Variants in KIAA1217 observed in about 807,000 individuals in gnomAD.
The protein encoded by KIAA1217 is KIAA1217, also known as sickle tail protein homolog.
Under a neutral mutation model 163.9 loss-of-function variants are expected in KIAA1217, and 88 were observed. That is an observed-to-expected ratio of 0.54 (90% CI 0.45 to 0.64). The LOEUF (loss-of-function observed/expected upper bound fraction) is 0.64, where lower values mean the gene tolerates loss of function less well. Ranked by LOEUF, KIAA1217 falls within the 30% of genes least tolerant of loss-of-function variation. KIAA1217 has a pLI of 0.00. For synonymous variants in KIAA1217, 903 were observed against 923.1 expected (o/e 0.98, Z 0.39); for missense variants, 2,372 against 2,475.0 (o/e 0.96, Z 0.88).
At chr10:23,858,056 T>C (rs1259410301) in intron 1 of KIAA1217, among the ~76,000 whole-genome samples, 1 of 151,426 alleles carries the variant, frequency 6.6e-6, no homozygotes, top group African/African-American at 2.4e-5. Flanking sequence ...AAGAACAAAG[T>C]TGTGCTACTT....
At chr10:24,151,642 C>G (rs114893143) in intron 2 of KIAA1217, among the ~76,000 whole-genome samples, 3 of 151,490 alleles carry the variant, frequency 2.0e-5, no homozygotes, top group Non-Finnish European at 4.4e-5. Context: ...GCTCAAGAAA[C>G]AGTATGGCCG....
At chr10:24,352,343 A>G (rs2048552092) in intron 2 of KIAA1217, among the ~76,000 whole-genome samples, 2 of 152,176 alleles carry the variant, frequency 1.3e-5, no homozygotes, top group African/African-American at 4.8e-5. Context: ...AATAATCGTG[A>G]ATATTTTTGC....
At chr10:24,391,573 G>A (rs2054992491) in intron 3 of KIAA1217, among the ~76,000 whole-genome samples, 1 of 152,010 alleles carries the variant, frequency 6.6e-6, no homozygotes, top group Admixed American at 6.6e-5. Context: ...TCGAACTCCT[G>A]ACCTCAGGTG....
chr10:23,887,131 T>A (rs1464113414), intron 1 of KIAA1217, among the ~76,000 whole-genome samples: 1 of 151,930 alleles, frequency 6.6e-6, no homozygotes, highest in Non-Finnish European at 1.5e-5. Flanking sequence ...GGAACATCAT[T>A]TAGTTCCTCT....
Position 24,546,117 on chromosome 10 carries a change from T to A in KIAA1217, c.5625T>A (p.His1875Gln), listed in dbSNP as rs776503531. 6.4e-5 allele frequency: 104 copies of A among 1,614,176 alleles called. 3 individuals are homozygous for A. In the South Asian group the frequency reaches 1.1e-3, roughly 17 times the overall value. Reference sequence around the variant, plus strand: ...TCACTCATACAGGTAAAGGTCACCATCTTTCATTCTCACCGCAGAGTCAAA... The same window carrying A: ...TCACTCATACAGGTAAAGGTCACCAACTTTCATTCTCACCGCAGAGTCAAA... ...QSLTHTGKGH[H>Q]LSFSPQSQNG... The change falls in exon 21 of 21, where the codon CAT (histidine) becomes CAA (glutamine). Residue 1875 changes from histidine to glutamine, a missense_variant. Coordinates refer to ENST00000376454, the MANE Select transcript of KIAA1217 (RefSeq NM_019590.5).
In KIAA1217 at chr10:23,953,284, G is replaced by A. The variant is rs148325781; in HGVS notation, c.-320-53941G>A. ...ATCAGTGGTTTAACATATTATGCTT[G>A]TTCTTTTGTAAAAACTGATGCAAGT... On this transcript the variant is annotated intron_variant, in intron 1 of 18. Transcript: ENST00000376462. 7.9e-5 allele frequency among the ~76,000 whole-genome samples: 12 copies of A among 152,288 alleles called. No homozygotes were observed. The East Asian group carries it at 1.9e-3, about 24-fold the overall frequency.
intron 2 of KIAA1217, among the ~76,000 whole-genome samples, chr10:24,065,341 T>C (rs1259558771): frequency 6.6e-6 from 1 of 152,236 alleles, no homozygotes; most frequent in Non-Finnish European, 1.5e-5. Context: ...TGGTATGTTG[T>C]GTCTTTGTTC....
At chr10:24,219,523 A>T in intron 1 of KIAA1217, 103 bp from the exon 2 acceptor site, 1 of 872,572 alleles carries the variant, frequency 1.1e-6, no homozygotes, top group Non-Finnish European at 1.6e-6. Flanking sequence ...TTGCGAAGTT[A>T]ACATTCATAC....
intron 1 of KIAA1217, among the ~76,000 whole-genome samples, chr10:23,784,612 TTG>T (rs1350025993): frequency 6.6e-6 from 1 of 152,210 alleles, no homozygotes; most frequent in Non-Finnish European, 1.5e-5. Flanking sequence ...TTTTTATCTT[TTG>T]TGCATTTAGT....
chr10:24,358,002 T>C (rs2049343795), intron 2 of KIAA1217, among the ~76,000 whole-genome samples: 1 of 152,158 alleles, frequency 6.6e-6, no homozygotes. Flanking sequence ...AAGAGTAGTT[T>C]ACTGTCAGGG....
At position 24,506,013 on chromosome 10, in the gene KIAA1217, A is replaced by G. The variant is rs1473598006; in HGVS notation, c.2001+4468A>G. On this transcript the variant is annotated intron_variant, in intron 9 of 20. Transcript: ENST00000376454. ...AACAGACCCGTGTCCCCTGCCAAGCAGAAATAATAAACGGAACTAGTACAG... is the reference window on the plus strand; with the variant it reads ...AACAGACCCGTGTCCCCTGCCAAGCGGAAATAATAAACGGAACTAGTACAG... Among the ~76,000 whole-genome samples, 25 of 152,236 alleles carry G rather than the reference A, an allele frequency of 1.6e-4. No individual in the cohort carries two copies. In the Middle Eastern group the frequency reaches 0.01, roughly 62 times the overall value.
At chr10:24,197,440 C>T (rs1057412344) in intron 2 of KIAA1217, among the ~76,000 whole-genome samples, 1 of 152,198 alleles carries the variant, frequency 6.6e-6, no homozygotes, top group Non-Finnish European at 1.5e-5. Context: ...CCAACAGAAA[C>T]CTATTAGAGC....
At chr10:24,256,805 T>A (rs776296079) in intron 2 of KIAA1217, among the ~76,000 whole-genome samples, 4 of 152,142 alleles carry the variant, frequency 2.6e-5, no homozygotes, top group Non-Finnish European at 2.9e-5. Context: ...ATCTTTGTGT[T>A]GAGGTGATAT....
intron 5 of KIAA1217, among the ~76,000 whole-genome samples, chr10:24,460,319 C>T (rs2062261527): frequency 1.3e-5 from 2 of 152,208 alleles, no homozygotes; most frequent in Admixed American, 1.3e-4. Flanking sequence ...CCCCAGCTCA[C>T]ACACTCCGTA....
intron 3 of KIAA1217, among the ~76,000 whole-genome samples, chr10:24,406,947 T>C (rs889257177): frequency 3.9e-5 from 6 of 152,174 alleles, no homozygotes; most frequent in African/African-American, 1.4e-4. Context: ...TTTCATCTGA[T>C]GAAACAACAA....
chr10:23,736,396 G>A (rs573963054), intron 1 of KIAA1217, among the ~76,000 whole-genome samples: 15 of 152,192 alleles, frequency 9.9e-5, no homozygotes, highest in African/African-American at 3.4e-4. Context: ...CTCCAGTGCC[G>A]CCTTTGCCAA....
intron 8 of KIAA1217, among the ~76,000 whole-genome samples, chr10:24,500,397 C>CGT (rs10667719): frequency 0.051 from 6,394 of 125,746 alleles, 340 homozygotes; most frequent in East Asian, 0.18. Context: ...AGAGTGTGTG[C>CGT]GTGTGTGTGT....
intron 2 of KIAA1217, among the ~76,000 whole-genome samples, chr10:24,379,676 C>T (rs2053022083): frequency 6.6e-6 from 1 of 152,150 alleles, no homozygotes; most frequent in Non-Finnish European, 1.5e-5. Context: ...TCAGGCACAC[C>T]TTGGGCATCC....
At chr10:23,963,745 G>A (rs534999528) in intron 1 of KIAA1217, among the ~76,000 whole-genome samples, 41 of 152,198 alleles carry the variant, frequency 2.7e-4, no homozygotes, top group South Asian at 8.3e-4. Context: ...GTGTAAAAGC[G>A]TTCCTATTTC....
Sources: gnomAD v4.1 joint callset for allele counts (sites outside exome capture counted in the v4.1 genomes callset) on GRCh38, gnomAD v4.1.1 for gene constraint, MANE v1.5 for transcripts, NCBI Gene and HGNC (gene_info 2026-07-23, HGNC 2026-07-21) for gene names.